Variants in CLASP1 observed in about 807,000 individuals in gnomAD.
CLASP1 encodes the protein CLIP-associating protein 1.
A neutral mutation model predicts 192.3 loss-of-function variants in CLASP1; 38 were observed. That is an observed-to-expected ratio of 0.20 (90% confidence interval 0.15 to 0.26). The LOEUF (loss-of-function observed/expected upper bound fraction) is 0.26, where lower values mean the gene tolerates loss of function less well. CLASP1 is among the 10% of genes least tolerant of loss of function. CLASP1 has a pLI of 1.00. For missense variants in CLASP1, 1,433 were observed against 1,932.5 expected, an observed-to-expected ratio of 0.74 and a Z score of 4.85; for synonymous variants, 691 against 712.8, an observed-to-expected ratio of 0.97 and a Z score of 0.49.
chr2:121,490,377 C>T (rs1423629534), intron 8 of CLASP1: 1 of 432,502 alleles, frequency 2.3e-6, no homozygotes, highest in Non-Finnish European at 4.6e-6. Context: ...AACTCTCCAC[C>T]CACACTTGTT....
intron 25 of CLASP1, among the ~76,000 whole-genome samples, chr2:121,405,892 G>A (rs1447254789): frequency 6.6e-6 from 1 of 152,166 alleles, no homozygotes; most frequent in Non-Finnish European, 1.5e-5. Flanking sequence ...GTGGAGTCAG[G>A]CTGCCTGAAG....
chr2:121,606,860 C>T (rs1400733614), intron 1 of CLASP1, among the ~76,000 whole-genome samples: 24 of 152,202 alleles, frequency 1.6e-4, no homozygotes, highest in Admixed American at 1.6e-3. Flanking sequence ...GAGTTCGAGA[C>T]AGCCTGGCCA....
chr2:121,486,575 T>C (rs1384165257), intron 8 of CLASP1, among the ~76,000 whole-genome samples: 2 of 152,332 alleles, frequency 1.3e-5, no homozygotes, highest in African/African-American at 4.8e-5. Flanking sequence ...CTGTGCTCTT[T>C]TGGAAATGTC....
chr2:121,625,426 CAT>C (rs1491183832), intron 1 of CLASP1, among the ~76,000 whole-genome samples: 68 of 128,244 alleles, frequency 5.3e-4, no homozygotes, highest in East Asian at 2.5e-3. Context: ...TTCTTTCTTT[CAT>C]TTTTTTTTTT....
At position 121,480,365 on chromosome 2, in the gene CLASP1, G is replaced by A. The variant is rs569722513; in HGVS notation, c.713-10405C>T. ...GAGCTGCTGAGTGCCCCCTGCAGGT[G>A]CAGATCAAGGCACAATTCCTCTTTG... is the stretch of plus-strand genomic sequence containing the variant. On this transcript the variant is annotated intron_variant, in intron 8 of 39. Coordinates refer to ENST00000263710, the Ensembl canonical transcript of CLASP1. Among the ~76,000 whole-genome samples, 6 of 152,310 alleles carry A rather than the reference G, an allele frequency of 3.9e-5. No individual in the cohort carries two copies. In the South Asian group the frequency reaches 1.2e-3, roughly 32 times the overall value.
intron 19 of CLASP1, among the ~76,000 whole-genome samples, chr2:121,437,287 A>G (rs2082472413): frequency 6.6e-6 from 1 of 152,134 alleles, no homozygotes; most frequent in Admixed American, 6.5e-5. Flanking sequence ...ATAATGTACT[A>G]CATTTTCATT....
intron 2 of CLASP1, among the ~76,000 whole-genome samples, chr2:121,552,041 A>T (rs901274222): frequency 2.6e-5 from 4 of 152,180 alleles, no homozygotes; most frequent in African/African-American, 9.7e-5. Context: ...TAGGCTGCAC[A>T]CCTATGACCA....
chr2:121,440,024 G>A (rs141054344), intron 19 of CLASP1, among the ~76,000 whole-genome samples: 8,482 of 145,212 alleles, frequency 0.058, 284 homozygotes, highest in Middle Eastern at 0.099. Context: ...CATGGCACAC[G>A]TATACATATG....
At chr2:121,513,383 T>C (rs530010460) in intron 7 of CLASP1, among the ~76,000 whole-genome samples, 2 of 152,316 alleles carry the variant, frequency 1.3e-5, no homozygotes, top group South Asian at 4.1e-4. Context: ...GCAGAAACCC[T>C]CATTTCTATT....
At chr2:121,411,707 A>C (rs2077731494) in intron 23 of CLASP1, among the ~76,000 whole-genome samples, 1 of 152,182 alleles carries the variant, frequency 6.6e-6, no homozygotes, top group Non-Finnish European at 1.5e-5. Context: ...TAGTTCAAAC[A>C]AGTATTTTAA....
intron 18 of CLASP1, among the ~76,000 whole-genome samples, 164 bp from the exon 19 acceptor site, chr2:121,447,671 G>A (rs142832247): frequency 8.2e-4 from 125 of 152,362 alleles, no homozygotes; most frequent in African/African-American, 2.9e-3. Flanking sequence ...CCTGAAGAGA[G>A]TTCAGGCAAT....
chr2:121,605,550 T>C (rs184491056), intron 2 of CLASP1, 151 bp downstream of exon 2: 19 of 587,486 alleles, frequency 3.2e-5, no homozygotes, highest in African/African-American at 2.6e-4. Context: ...TTCTCCAGAA[T>C]GAAATAACCC....
At chr2:121,590,163 T>C (rs1339136698) in intron 2 of CLASP1, among the ~76,000 whole-genome samples, 1 of 152,110 alleles carries the variant, frequency 6.6e-6, no homozygotes, top group African/African-American at 2.4e-5. Flanking sequence ...AGGAAAAATA[T>C]CAAGAGAAAT....
At chr2:121,637,169 G>A (rs1308443234) in intron 1 of CLASP1, among the ~76,000 whole-genome samples, 1 of 152,120 alleles carries the variant, frequency 6.6e-6, no homozygotes, top group African/African-American at 2.4e-5. Flanking sequence ...GAAAGGAGGG[G>A]AATTCATATT....
chr2:121,489,098 T>G (rs2093156715), intron 8 of CLASP1, among the ~76,000 whole-genome samples: 1 of 152,194 alleles, frequency 6.6e-6, no homozygotes, highest in Non-Finnish European at 1.5e-5. Flanking sequence ...TTTCAAATCC[T>G]CAAAGGAAAG....
At chr2:121,531,232 A>T (rs2094855649) in intron 2 of CLASP1, among the ~76,000 whole-genome samples, 2 of 152,136 alleles carry the variant, frequency 1.3e-5, no homozygotes, top group Admixed American at 6.5e-5. Flanking sequence ...CCTTATGCTG[A>T]GTCAGCCCAG....
chr2:121,372,496 G>C (rs1490152981), intron 34 of CLASP1, among the ~76,000 whole-genome samples: 1 of 152,146 alleles, frequency 6.6e-6, no homozygotes, highest in Non-Finnish European at 1.5e-5. Flanking sequence ...AGTCTCGATG[G>C]ATATATTTGC....
intron 2 of CLASP1, among the ~76,000 whole-genome samples, chr2:121,575,255 G>A (rs1384924305): frequency 6.6e-6 from 1 of 151,696 alleles, no homozygotes; most frequent in African/African-American, 2.4e-5. Flanking sequence ...AGGATTAGAC[G>A]TGCACCACCA....
chr2:121,485,499 A>G (rs1458296535), intron 8 of CLASP1, among the ~76,000 whole-genome samples: 1 of 152,162 alleles, frequency 6.6e-6, no homozygotes, highest in Non-Finnish European at 1.5e-5. Context: ...AAAGACTCCA[A>G]AAATTGTTTT....
Sources: gnomAD v4.1 joint callset for allele counts (sites outside exome capture counted in the v4.1 genomes callset) on GRCh38, gnomAD v4.1.1 for gene constraint, MANE v1.5 for transcripts, NCBI Gene and HGNC (gene_info 2026-07-23, HGNC 2026-07-21) for gene names.